Variants in KCNH5 observed in about 807,000 individuals in gnomAD.
The protein encoded by KCNH5 is potassium voltage-gated channel subfamily H member 5, also known as voltage-gated delayed rectifier potassium channel KCNH5.
Under a neutral mutation model 96.1 loss-of-function variants are expected in KCNH5, and 46 were observed. That is an observed-to-expected ratio of 0.48 (90% confidence interval 0.38 to 0.61). The LOEUF (loss-of-function observed/expected upper bound fraction) is 0.61, where lower values mean the gene tolerates loss of function less well. Among genes scored for constraint, KCNH5 ranks in the 20% least tolerant of loss-of-function variants. KCNH5 has a pLI of 0.00. For missense variants in KCNH5, 907 were observed against 1,225.8 expected (o/e 0.74, Z 3.88); for synonymous variants, 439 against 449.8 (o/e 0.98, Z 0.30).
intron 10 of KCNH5, among the ~76,000 whole-genome samples, chr14:62,735,954 C>T (rs1348437257): frequency 6.6e-6 from 1 of 152,206 alleles, no homozygotes; most frequent in Non-Finnish European, 1.5e-5. Flanking sequence ...AGATTGCCAA[C>T]AAACAACAGA....
chr14:62,942,308 A>T (rs531112043), intron 7 of KCNH5, among the ~76,000 whole-genome samples: 1 of 152,322 alleles, frequency 6.6e-6, no homozygotes, highest in South Asian at 2.1e-4. Flanking sequence ...GAAAAAAATA[A>T]ATAAAGCTCA....
chr14:62,959,408 A>AT (rs1318272248), intron 6 of KCNH5, among the ~76,000 whole-genome samples: 1 of 152,106 alleles, frequency 6.6e-6, no homozygotes, highest in Non-Finnish European at 1.5e-5. Flanking sequence ...AAAACCTAAC[A>AT]TGATTTCTCA....
chr14:62,800,751 A>G (rs542387432), intron 9 of KCNH5, among the ~76,000 whole-genome samples: 2 of 152,298 alleles, frequency 1.3e-5, no homozygotes, highest in South Asian at 2.1e-4. Flanking sequence ...TAAGCAAACA[A>G]GAATGGTTTA....
At chr14:62,952,206 G>A (rs1314837094) in intron 6 of KCNH5, among the ~76,000 whole-genome samples, 1 of 152,048 alleles carries the variant, frequency 6.6e-6, no homozygotes, top group Non-Finnish European at 1.5e-5. Context: ...CTCAAATATT[G>A]TAGCATATAT....
At chr14:62,826,750 G>T in intron 8 of KCNH5, among the ~76,000 whole-genome samples, 1 of 151,562 alleles carries the variant, frequency 6.6e-6, no homozygotes, top group African/African-American at 2.4e-5. Flanking sequence ...GTATTCATGT[G>T]GTTATCTCTT....
chr14:62,833,247 T>C (rs1887394958), intron 8 of KCNH5, among the ~76,000 whole-genome samples: 2 of 152,188 alleles, frequency 1.3e-5, no homozygotes, highest in South Asian at 2.1e-4. Context: ...GATTTTCTCA[T>C]ATGTTTTCTT....
intron 10 of KCNH5, among the ~76,000 whole-genome samples, chr14:62,725,702 A>G (rs1455595506): frequency 6.6e-6 from 1 of 152,230 alleles, no homozygotes; most frequent in African/African-American, 2.4e-5. Context: ...GGTTTGGAAG[A>G]CTGATCATTG....
intron 3 of KCNH5, 24 bp downstream of exon 3, chr14:63,006,342 C>T (rs1466782767): frequency 2.2e-6 from 3 of 1,380,386 alleles, no homozygotes; most frequent in Admixed American, 1.7e-5. Flanking sequence ...GTTGGCACAT[C>T]TTATTAATAA....
chr14:62,982,612 A>G (rs1890631231), intron 5 of KCNH5, among the ~76,000 whole-genome samples: 1 of 152,238 alleles, frequency 6.6e-6, no homozygotes, highest in Non-Finnish European at 1.5e-5. Flanking sequence ...ACTCTGAGTT[A>G]TAATATATGC....
chr14:62,999,346 G>A (rs1024665387), intron 4 of KCNH5, among the ~76,000 whole-genome samples: 12 of 152,114 alleles, frequency 7.9e-5, no homozygotes, highest in Non-Finnish European at 1.6e-4. Context: ...TTTGAGAAGT[G>A]TCTGTTCATA....
intron 10 of KCNH5, among the ~76,000 whole-genome samples, chr14:62,751,554 T>C (rs561575115): frequency 5.3e-5 from 8 of 152,216 alleles, no homozygotes; most frequent in Non-Finnish European, 4.4e-5. Flanking sequence ...CCCTCTTCCA[T>C]GGCCAGTTTT....
At chr14:62,824,133 A>G (rs1306125707) in intron 8 of KCNH5, among the ~76,000 whole-genome samples, 1 of 152,100 alleles carries the variant, frequency 6.6e-6, no homozygotes, top group African/African-American at 2.4e-5. Context: ...TTGTTTCCCT[A>G]TAGACTATAT....
chr14:63,026,589 CAGT>C (rs1217044796), intron 1 of KCNH5, among the ~76,000 whole-genome samples: 1 of 151,964 alleles, frequency 6.6e-6, no homozygotes, highest in African/African-American at 2.4e-5. Context: ...AAAGAGCTAA[CAGT>C]TACATGAAAG....
Position 63,006,339 on chromosome 14 carries a change from C to T in KCNH5, c.304+27G>A. On this transcript the variant is annotated intron_variant, in intron 3 of 10. Transcript: ENST00000322893. ...ACATAATATTAATAAAGAGTTGGCA[C>T]ATCTTATTAATAATTGAGATACCTA... The T allele has an allele frequency of 2.2e-6, 3 of 1,348,008 alleles. No individual in the cohort carries two copies. The South Asian group carries it at 3.5e-5, about 16-fold the overall frequency. The allele number at this position is 1,348,008 out of a possible 1,614,324, so 83.5% of individuals were successfully genotyped here.
intron 7 of KCNH5, among the ~76,000 whole-genome samples, chr14:62,898,387 A>G (rs1278317055): frequency 6.6e-6 from 1 of 152,178 alleles, no homozygotes; most frequent in Non-Finnish European, 1.5e-5. Context: ...ACACATTAAG[A>G]TATCTAAAGA....
intron 7 of KCNH5, among the ~76,000 whole-genome samples, chr14:62,927,062 A>T (rs961448479): frequency 5.3e-5 from 8 of 152,182 alleles, no homozygotes; most frequent in South Asian, 2.1e-4. Flanking sequence ...GAAGAAAACA[A>T]TCAGATTCAA....
At chr14:62,755,314 C>T (rs1384703776) in intron 10 of KCNH5, among the ~76,000 whole-genome samples, 1 of 152,072 alleles carries the variant, frequency 6.6e-6, no homozygotes, top group South Asian at 2.1e-4. Flanking sequence ...AACTACATAC[C>T]AATAGATTGG....
chr14:62,882,799 G>A (rs1888520764), intron 7 of KCNH5, among the ~76,000 whole-genome samples: 1 of 152,148 alleles, frequency 6.6e-6, no homozygotes, highest in Admixed American at 6.5e-5. Flanking sequence ...AAATTCCCAA[G>A]CCATCAGAGC....
chr14:62,821,528 G>C (rs778312711), intron 8 of KCNH5, among the ~76,000 whole-genome samples: 1 of 152,054 alleles, frequency 6.6e-6, no homozygotes, highest in Non-Finnish European at 1.5e-5. Flanking sequence ...CTTTTTGAAA[G>C]AGCATATTAT....
Sources: allele counts gnomAD v4.1 joint callset (sites outside exome capture counted in the v4.1 genomes callset), GRCh38; gene constraint gnomAD v4.1.1; transcripts MANE v1.5; gene names NCBI Gene and HGNC (gene_info 2026-07-23, HGNC 2026-07-21).